Variants in GLIS1 observed in about 807,000 individuals in gnomAD.
The protein encoded by GLIS1 is zinc finger protein GLIS1.
Under a neutral mutation model 63.8 loss-of-function variants are expected in GLIS1, and 24 were observed. The observed-to-expected ratio is 0.38, with a 90% CI of 0.27 to 0.53. GLIS1 has a LOEUF of 0.53. Ranked by LOEUF, GLIS1 falls within the 20% of genes least tolerant of loss-of-function variation. GLIS1 has a pLI of 0.85. For missense variants in GLIS1, 1,036 were observed against 1,074.1 expected (o/e 0.96, Z 0.50); for synonymous variants, 450 against 482.5 (o/e 0.93, Z 0.88).
rs140348879 is a variant in GLIS1, at chr1:53,506,674, T to G, written c.2333A>C (p.Asn778Thr). The change falls in exon 11 of 11, where the codon AAT becomes ACT. Residue 778 changes from asparagine (N) to threonine (T), a missense_variant. This residue lies in a region of GLIS1 where 400 missense variants were observed against 400.9 expected (regional missense o/e 1.00). Transcript: ENST00000628545. The part of the protein sequence containing the change: ...SGPEDCGFFP[N>T]GAFDHCLGHI... The stretch of plus-strand genomic sequence containing the variant: ...GCCCAGGCAGTGGTCAAAGGCTCCA[T>G]TGGGGAAGAAGCCACAGTCCTCGGG... The G allele has an allele frequency of 6.2e-7, 1 of 1,613,362 alleles. No individual in the cohort carries two copies. The highest frequency in any genetic ancestry group is 8.5e-7 in the Non-Finnish European group (1 of 1,179,910).
intron 10 of GLIS1, among the ~76,000 whole-genome samples, chr1:53,507,716 G>A (rs973249348): frequency 6.6e-6 from 1 of 152,228 alleles, no homozygotes; most frequent in South Asian, 2.1e-4. Flanking sequence ...GCCTGGAGTG[G>A]GCACTGGGGA....
chr1:53,720,651 TAA>T (rs1418222385), intron 2 of GLIS1, among the ~76,000 whole-genome samples: 1 of 152,078 alleles, frequency 6.6e-6, no homozygotes, highest in Non-Finnish European at 1.5e-5. Flanking sequence ...GTTTCCAACA[TAA>T]AAGGGGGTGA....
At chr1:53,678,004 G>T (rs1276464342) in intron 2 of GLIS1, among the ~76,000 whole-genome samples, 1 of 152,126 alleles carries the variant, frequency 6.6e-6, no homozygotes, top group Non-Finnish European at 1.5e-5. Context: ...CACCACCATG[G>T]CTGGCACTTA....
At chr1:53,716,304 T>A (rs1286818790) in intron 2 of GLIS1, among the ~76,000 whole-genome samples, 4 of 151,646 alleles carry the variant, frequency 2.6e-5, no homozygotes, top group Non-Finnish European at 5.9e-5. Context: ...AGGCAGAGGG[T>A]TGAAGGTGCT....
At chr1:53,645,817 AAG>A (rs59613633) in intron 2 of GLIS1, among the ~76,000 whole-genome samples, 2,435 of 152,300 alleles carry the variant, frequency 0.016, 68 homozygotes, top group African/African-American at 0.057. Flanking sequence ...CTGGATTTTC[AAG>A]AGTCTACCTG....
chr1:53,531,663 G>A (rs4927001), intron 4 of GLIS1, among the ~76,000 whole-genome samples: 21,816 of 152,064 alleles, frequency 0.14, 3,251 homozygotes, highest in East Asian at 0.49. Flanking sequence ...ATGCACACAC[G>A]CACACCACCA....
intron 4 of GLIS1, among the ~76,000 whole-genome samples, chr1:53,543,493 G>A (rs927123972): frequency 1.4e-4 from 22 of 152,082 alleles, no homozygotes; most frequent in African/African-American, 4.4e-4. Context: ...TGAGGAATGA[G>A]CCCAGGGCTG....
chr1:53,598,267 G>A lies in GLIS1; in HGVS notation c.437+1834C>T, dbSNP rs569347192. Among the ~76,000 whole-genome samples, 19 of 152,338 alleles carry A rather than the reference G, an allele frequency of 1.2e-4. No individual in the cohort carries two copies. The East Asian group carries it at 3.7e-3, about 29-fold the overall frequency. On this transcript the variant is annotated intron_variant, in intron 3 of 10. Transcript: ENST00000628545. The surrounding 1 kb of genome is among the most constrained non-coding windows in gnomAD (Gnocchi z 4.6). ...TGTTCTTATAAGAAATGAGGGCCGGGCACGGTGGCTCACGCCTGTAATCCC... is the reference window on the plus strand; with the variant it reads ...TGTTCTTATAAGAAATGAGGGCCGGACACGGTGGCTCACGCCTGTAATCCC...
rs950947009 is a variant in GLIS1 at position 53,506,427 on chromosome 1, C to G, written c.*192G>C. The G allele has an allele frequency of 1.3e-5, 8 of 604,052 alleles. No individual in the cohort carries two copies. Among genetic ancestry groups the G allele is most frequent in the Non-Finnish European group, 2.0e-5 (7 of 344,484 alleles). The allele number at this position is 604,052 out of a possible 1,614,324, so 37.4% of individuals were successfully genotyped here. Reference sequence around the variant, plus strand: ...AGATCCTGGCGGGCACCTCTGTGCGCCCAGCTCAAGCTCGGATGGCGGCTC... The same window carrying G: ...AGATCCTGGCGGGCACCTCTGTGCGGCCAGCTCAAGCTCGGATGGCGGCTC... On this transcript the variant is annotated 3_prime_UTR_variant, in exon 11 of 11. Coordinates refer to ENST00000628545, the MANE Select transcript of GLIS1 (RefSeq NM_001367484.1).
At chr1:53,620,159 G>A (rs1645527501) in intron 2 of GLIS1, among the ~76,000 whole-genome samples, 1 of 152,242 alleles carries the variant, frequency 6.6e-6, no homozygotes, top group African/African-American at 2.4e-5. Context: ...AGGATTCGAT[G>A]CAGAGTTGTC....
At chr1:53,606,810 C>T (rs1020772639) in intron 2 of GLIS1, among the ~76,000 whole-genome samples, 11 of 152,240 alleles carry the variant, frequency 7.2e-5, no homozygotes, top group Admixed American at 6.5e-4. Context: ...CGGGCTTCTG[C>T]CGCCCACCAC....
rs1435650856 is a variant in GLIS1 at position 53,514,787 on chromosome 1, G to T, written c.1727-6C>A. ...GATGGAGCCAGGATACACACCTGCAGGGAATCAAACAAGGCTCACTGGACT... is the reference window on the plus strand; with the variant it reads ...GATGGAGCCAGGATACACACCTGCATGGAATCAAACAAGGCTCACTGGACT... On this transcript the variant is annotated splice_polypyrimidine_tract_variant and splice_region_variant and intron_variant, in intron 7 of 10. Transcript: ENST00000628545. 6.3e-7 allele frequency: 1 copy of T among 1,578,136 alleles called. No individual in the cohort carries two copies. Among genetic ancestry groups the T allele is most frequent in the Non-Finnish European group, 8.6e-7 (1 of 1,162,462 alleles).
chr1:53,677,916 A>G (rs1292242067), intron 2 of GLIS1, among the ~76,000 whole-genome samples: 1 of 152,198 alleles, frequency 6.6e-6, no homozygotes, highest in Non-Finnish European at 1.5e-5. Flanking sequence ...TCTGAGCCTC[A>G]GTCTCCTCAA....
rs752636057 is a variant in GLIS1 at position 53,709,413 on chromosome 1, C to CATATAT, written c.259+28392_259+28393insATATAT. Among the ~76,000 whole-genome samples, 1,093 of 124,248 alleles carry CATATAT rather than the reference C, an allele frequency of 8.8e-3. 72 individuals carry two copies. Among genetic ancestry groups the CATATAT allele is most frequent in the African/African-American group, 0.035 (938 of 26,690 alleles). 81.5% of individuals were successfully genotyped at this position (124,248 alleles called of 152,430 possible). On this transcript the variant is annotated intron_variant, in intron 2 of 10. Transcript: ENST00000628545. ...ATATATACATATACATATATATATA[C>CATATAT]ACACACACACACACACACACACACA...
chr1:53,701,644 C>T (rs1646523616), intron 2 of GLIS1, among the ~76,000 whole-genome samples: 1 of 152,172 alleles, frequency 6.6e-6, no homozygotes, highest in Admixed American at 6.5e-5. Flanking sequence ...TCTTAACCAC[C>T]AGGACCCTCT....
intron 2 of GLIS1, among the ~76,000 whole-genome samples, chr1:53,710,019 A>G (rs1646629992): frequency 6.6e-6 from 1 of 152,202 alleles, no homozygotes; most frequent in African/African-American, 2.4e-5. Flanking sequence ...ACCTTTGCCC[A>G]CATCACAATT....
At position 53,575,006 on chromosome 1, in the gene GLIS1, G is replaced by A. The variant is rs142696434; in HGVS notation, c.1320+19102C>T. Reference sequence around the variant, plus strand: ...TCACTGGACACCTTGGCCCAACACAGAGGATACTTGGGCCAAGTTGGAAAA... The same window carrying A: ...TCACTGGACACCTTGGCCCAACACAAAGGATACTTGGGCCAAGTTGGAAAA... On this transcript the variant is annotated intron_variant, in intron 4 of 10. Transcript: ENST00000628545. Among the ~76,000 whole-genome samples, 1,220 of 152,288 alleles carry A rather than the reference G, an allele frequency of 8.0e-3. 13 individuals carry two copies. Among genetic ancestry groups the A allele is most frequent in the Non-Finnish European group, 0.013 (915 of 68,028 alleles).
chr1:53,676,841 T>C (rs1352637401), intron 2 of GLIS1, among the ~76,000 whole-genome samples: 3 of 152,218 alleles, frequency 2.0e-5, no homozygotes, highest in African/African-American at 7.2e-5. Context: ...CTAGGAGTTC[T>C]AATACCCCCT....
At chr1:53,725,338 A>G (rs941420935) in intron 2 of GLIS1, among the ~76,000 whole-genome samples, 45 of 152,060 alleles carry the variant, frequency 3.0e-4, no homozygotes, top group African/African-American at 9.4e-4. Context: ...AGAGTTCCCA[A>G]TTGTTAGCCA....
Sources: allele counts gnomAD v4.1 joint callset (sites outside exome capture counted in the v4.1 genomes callset), GRCh38; gene constraint gnomAD v4.1.1; regional missense constraint gnomAD v4.1.1; non-coding constraint Gnocchi (gnomAD v3.1); transcripts MANE v1.5; gene names NCBI Gene and HGNC (gene_info 2026-07-23, HGNC 2026-07-21).